Variants in PRPF40B observed in about 807,000 individuals in gnomAD.
PRPF40B encodes the protein pre-mRNA processing factor 40B, also known as pre-mRNA-processing factor 40 homolog B.
PRPF40B carries 56 observed loss-of-function variants against 124.5 expected under a neutral mutation model. The observed-to-expected ratio is 0.45, with a 90% CI of 0.36 to 0.56. PRPF40B has a LOEUF of 0.56. Ranked by LOEUF, PRPF40B falls within the 20% of genes least tolerant of loss-of-function variation. The pLI is 0.00. For missense variants in PRPF40B, 1,053 were observed against 1,169.5 expected (o/e 0.90, Z 1.45); for synonymous variants, 443 against 426.4 (o/e 1.04, Z -0.48).
intron 7 of PRPF40B, 76 bp downstream of exon 7, chr12:49,633,200 T>G: frequency 1.5e-6 from 2 of 1,355,746 alleles, no homozygotes; most frequent in Non-Finnish European, 2.1e-6. Flanking sequence ...CCTTAGTCTC[T>G]AACCATATTC....
chr12:49,633,220 C>T, intron 7 of PRPF40B, 96 bp downstream of exon 7: 1 of 1,272,518 alleles, frequency 7.9e-7, no homozygotes, highest in Non-Finnish European at 1.1e-6. Context: ...CATGATGGTT[C>T]CTCTGATCCC....
rs184264612 is a variant in PRPF40B, at chr12:49,626,984, A to T, written c.3+3391A>T. Among the ~76,000 whole-genome samples, 327 of 152,220 alleles carry T rather than the reference A, an allele frequency of 2.1e-3. 1 individual carries two copies. Among genetic ancestry groups the T allele is most frequent in the African/African-American group, 7.3e-3 (303 of 41,512 alleles). Reference sequence around the variant, plus strand: ...TCTATGTTCCCTGAATAACTACTAGACCTAACTTACCAGTGGCCCCCTACT... The same window carrying T: ...TCTATGTTCCCTGAATAACTACTAGTCCTAACTTACCAGTGGCCCCCTACT... On this transcript the variant is annotated intron_variant, in intron 1 of 25. Transcript: ENST00000548825.
In PRPF40B at chr12:49,642,496, CCCAG is replaced by C; in HGVS notation, c.2023-81_2023-78del. On this transcript the variant is annotated intron_variant, in intron 20 of 25. Coordinates refer to ENST00000548825, the MANE Select transcript of PRPF40B (RefSeq NM_001031698.3). The surrounding 1 kb of genome is among the most constrained non-coding windows in gnomAD (Gnocchi z 5.8). ...GCTCCAGTTCCCTTCCTTTCTCTGC[CCCAG>C]CCCTGCCCTGTGCTCATGGCGGTGT... The C allele has an allele frequency of 6.3e-7, 1 of 1,578,966 alleles. No homozygotes were observed. Among genetic ancestry groups the C allele is most frequent in the South Asian group, 1.1e-5 (1 of 89,648 alleles).
intron 15 of PRPF40B, 22 bp downstream of exon 15, chr12:49,636,015 C>G (rs368515527): frequency 1.8e-4 from 286 of 1,613,352 alleles, no homozygotes; most frequent in Non-Finnish European, 2.1e-4. Context: ...CCTCCAATCC[C>G]AGCTATCCCT....
chr12:49,643,139 C>A, intron 22 of PRPF40B, 84 bp from the exon 23 acceptor site: 1 of 1,587,444 alleles, frequency 6.3e-7, no homozygotes, highest in Non-Finnish European at 8.6e-7. Context: ...GGCCCTGGGT[C>A]CTCCTCCTCT....
chr12:49,634,126 G>A (rs1941511072), intron 10 of PRPF40B, 34 bp downstream of exon 10: 1 of 1,601,858 alleles, frequency 6.2e-7, no homozygotes, highest in African/African-American at 1.3e-5. Flanking sequence ...TCCCAATGTT[G>A]GCCTCAGACT....
chr12:49,630,554 G>A lies in PRPF40B; in HGVS notation c.13G>A (p.Asp5Asn). Residue 5 changes from aspartate to asparagine, a missense_variant, in exon 2 of 26, where the codon GAT (aspartate) becomes AAT (asparagine). Coordinates refer to ENST00000548825, the MANE Select transcript of PRPF40B (RefSeq NM_001031698.3). Reference sequence around the variant, plus strand: ...TTCTCTCCCTCAACAGTCGGTTCCCGATTCTGGTCCCCGGCCCCCAGCAGC... The same window carrying A: ...TTCTCTCCCTCAACAGTCGGTTCCCAATTCTGGTCCCCGGCCCCCAGCAGC... MSVP[D>N]SGPRPPAAPA... The A allele has an allele frequency of 7.2e-7, 1 of 1,385,040 alleles. No homozygotes were observed. Among genetic ancestry groups the A allele is most frequent in the Non-Finnish European group, 1.0e-6 (1 of 984,662 alleles). 85.8% of individuals were successfully genotyped at this position (1,385,040 alleles called of 1,614,324 possible).
chr12:49,628,833 T>C (rs147894210), intron 1 of PRPF40B, among the ~76,000 whole-genome samples: 2,807 of 152,356 alleles, frequency 0.018, 76 homozygotes, highest in African/African-American at 0.059. Context: ...CCCAAAGTGC[T>C]GGGATTACAG....
In PRPF40B at chr12:49,632,996, G is replaced by GGGGGGGGCCCCCCCCCCCC; in HGVS notation, c.349-18_349-17insGGGGGGGCCCCCCCCCCCC. 1 of 1,147,396 alleles carries GGGGGGGGCCCCCCCCCCCC rather than the reference G, an allele frequency of 8.7e-7. No individual in the cohort carries two copies. The highest frequency in any genetic ancestry group is 1.2e-6 in the Non-Finnish European group (1 of 823,010). 71.1% of individuals were successfully genotyped at this position (1,147,396 alleles called of 1,614,324 possible). On this transcript the variant is annotated splice_polypyrimidine_tract_variant and intron_variant, in intron 6 of 25. Transcript: ENST00000548825. ...AAAGGGGCCTTGACCACCATTCTGT[G>GGGGGGGGCCCCCCCCCCCC]CCCCCCCCCCCACCCAGAGGGCCCT...
At chr12:49,632,988 C>A (rs559358289) in intron 6 of PRPF40B, 26 bp from the exon 7 acceptor site, 12 of 1,555,586 alleles carry the variant, frequency 7.7e-6, no homozygotes, top group South Asian at 5.6e-5. Flanking sequence ...CCTTGACCAC[C>A]ATTCTGTGCC....
Position 49,642,124 on chromosome 12 carries a change from G to T in PRPF40B, c.1884+100G>T. On this transcript the variant is annotated intron_variant, in intron 19 of 25. Transcript: ENST00000548825. This position sits in a 1 kb window ranked among gnomAD's most constrained non-coding sequence, Gnocchi z 5.8. ...CCACTGACTATATTCCCAATTCAGG[G>T]GATGGTGGTAGAAGCCCAGACCCTA... is the stretch of plus-strand genomic sequence containing the variant. 1 of 1,603,718 alleles carries T rather than the reference G, an allele frequency of 6.2e-7. No homozygotes were observed. The highest frequency in any genetic ancestry group is 1.1e-5 in the South Asian group (1 of 90,374).
intron 12 of PRPF40B, 33 bp downstream of exon 12, chr12:49,634,635 C>T (rs375813005): frequency 1.9e-6 from 3 of 1,613,336 alleles, no homozygotes; most frequent in Non-Finnish European, 2.5e-6. Context: ...AGGCCCTGTT[C>T]ATGAGAGCAG....
At chr12:49,643,792 T>A (rs1942988138) in intron 24 of PRPF40B, 40 bp downstream of exon 24, 9 of 1,613,658 alleles carry the variant, frequency 5.6e-6, no homozygotes, top group Non-Finnish European at 7.6e-6. Context: ...TGCTATTTTG[T>A]GAGTTCTGTT....
intron 1 of PRPF40B, among the ~76,000 whole-genome samples, chr12:49,624,585 C>T (rs1940531020): frequency 6.6e-6 from 1 of 152,220 alleles, no homozygotes; most frequent in Admixed American, 6.5e-5. Flanking sequence ...CGCGGTGGCT[C>T]ATGCCTGTAA....
intron 1 of PRPF40B, among the ~76,000 whole-genome samples, chr12:49,628,720 G>A (rs1592575890): frequency 6.6e-6 from 1 of 151,796 alleles, no homozygotes; most frequent in Admixed American, 6.6e-5. Context: ...CTGCCACCAC[G>A]CCTGGCTAAT....
chr12:49,638,696 TG>T (rs1942190088), intron 18 of PRPF40B: 1 of 152,236 alleles, frequency 6.6e-6, no homozygotes, highest in Non-Finnish European at 1.5e-5. Flanking sequence ...GGAGCGGGAC[TG>T]GAGGCAGACT....
In PRPF40B at chr12:49,643,886, C is replaced by G; in HGVS notation, c.2468C>G (p.Pro823Arg). The G allele has an allele frequency of 6.2e-7, 1 of 1,614,164 alleles. No individual in the cohort carries two copies. The highest frequency in any genetic ancestry group is 8.5e-7 in the Non-Finnish European group (1 of 1,180,024). ...AATAGTCCTGAGAGTGAGACAGACC[C>G]TGAGGAGAAAGCTGGCAAGGAGAGC... Reference protein sequence around the residue: ...KSNSPESETDPEEKAGKESDE... With the variant: ...KSNSPESETDREEKAGKESDE... Residue 823 changes from proline (P) to arginine (R), a missense_variant, in exon 25 of 26, where the codon CCT (proline) becomes CGT (arginine). This residue lies in a region of PRPF40B where 895 missense variants were observed against 1,052.2 expected (regional missense o/e 0.85). Transcript: ENST00000548825.
intron 2 of PRPF40B, among the ~76,000 whole-genome samples, chr12:49,630,940 A>C (rs191764503): frequency 1.5e-3 from 224 of 152,218 alleles, no homozygotes; most frequent in African/African-American, 5.1e-3. Context: ...ACTACTCCTT[A>C]CCTATGCTCT....
rs576119898 is a variant in PRPF40B, at chr12:49,630,249, C to CT, written c.4-295dup. Among the ~76,000 whole-genome samples the CT allele has an allele frequency of 4.8e-4, 73 of 152,318 alleles. 1 individual carries two copies. In the East Asian group the frequency reaches 0.012, roughly 25 times the overall value. ...AGCCTTAGGTAGAGCCAGTCTGTGC[C>CT]TGTAGTGAAGCCTCCTTCATCTTTT... On this transcript the variant is annotated intron_variant, in intron 1 of 25. Transcript: ENST00000548825.
Sources: gnomAD v4.1 joint callset for allele counts (sites outside exome capture counted in the v4.1 genomes callset) on GRCh38, gnomAD v4.1.1 for gene constraint, gnomAD v4.1.1 regional missense constraint, Gnocchi (gnomAD v3.1) non-coding constraint, MANE v1.5 for transcripts, NCBI Gene and HGNC (gene_info 2026-07-23, HGNC 2026-07-21) for gene names.